Variants in SLC9A4 observed in about 807,000 individuals in gnomAD.
SLC9A4 encodes the protein sodium/hydrogen exchanger 4.
A neutral mutation model predicts 67.4 loss-of-function variants in SLC9A4; 63 were observed. The observed-to-expected ratio is 0.93, with a 90% CI of 0.76 to 1.15. The LOEUF (loss-of-function observed/expected upper bound fraction) is 1.15, where lower values mean the gene tolerates loss of function less well. SLC9A4 is among the 50% of genes most tolerant of loss of function. The pLI is 0.00. For synonymous variants in SLC9A4, 393 were observed against 367.2 expected, an observed-to-expected ratio of 1.07 and a Z score of -0.80; for missense variants, 1,089 against 987.7, an observed-to-expected ratio of 1.10 and a Z score of -1.38.
chr2:102,504,892 G>T (rs1685016192), intron 3 of SLC9A4, among the ~76,000 whole-genome samples: 1 of 152,182 alleles, frequency 6.6e-6, no homozygotes, highest in Non-Finnish European at 1.5e-5. Flanking sequence ...GAATTATTCT[G>T]TTATTTTGGT....
intron 2 of SLC9A4, among the ~76,000 whole-genome samples, chr2:102,486,509 G>A (rs542091422): frequency 2.4e-4 from 36 of 152,310 alleles, no homozygotes; most frequent in African/African-American, 8.2e-4. Context: ...TGAGGGGAGA[G>A]TAGGCATCTT....
At chr2:102,527,372 A>AGGTTT (rs1674687136) in intron 11 of SLC9A4, among the ~76,000 whole-genome samples, 3 of 152,174 alleles carry the variant, frequency 2.0e-5, no homozygotes, top group African/African-American at 4.8e-5. Flanking sequence ...CAAATGTTGT[A>AGGTTT]CCTAGGTTTC....
chr2:102,503,586 A>T lies in SLC9A4; in HGVS notation c.859A>T (p.Ile287Phe). 1 of 1,614,004 alleles carries T rather than the reference A, an allele frequency of 6.2e-7. No individual in the cohort carries two copies. Among genetic ancestry groups the T allele is most frequent in the Non-Finnish European group, 8.5e-7 (1 of 1,179,990 alleles). ...GVLFGIVFGF[I>F]SAFITRFTQN... is the part of the protein sequence containing the mutation. ...ATTGTTTGGCATCGTTTTTGGATTT[A>T]TTTCTGCATTTATCACACGTTTCAC... is the stretch of plus-strand genomic sequence containing the variant. The change falls in exon 3 of 12, where the codon ATT becomes TTT. Residue 287 changes from isoleucine (I) to phenylalanine (F), a missense_variant. Ile to Phe is a conservative substitution (Grantham distance 21). Coordinates refer to ENST00000295269, the MANE Select transcript of SLC9A4 (RefSeq NM_001011552.4).
At chr2:102,529,189 A>G (rs993761268) in intron 11 of SLC9A4, among the ~76,000 whole-genome samples, 1 of 152,246 alleles carries the variant, frequency 6.6e-6, no homozygotes, top group South Asian at 2.1e-4. Flanking sequence ...TCAGTTCTAC[A>G]TGAATTACTT....
At chr2:102,505,211 G>T (rs1558666721) in intron 3 of SLC9A4, 43 bp from the exon 4 acceptor site, 2 of 1,585,714 alleles carry the variant, frequency 1.3e-6, no homozygotes, top group South Asian at 2.3e-5. Context: ...TGTGGAGGGG[G>T]AAAACCTCAT....
intron 4 of SLC9A4, chr2:102,505,732 C>G (rs1685038289): frequency 2.5e-6 from 1 of 405,654 alleles, no homozygotes; most frequent in African/African-American, 2.0e-5. Flanking sequence ...AAAGAAGTTT[C>G]ACATCTACCT....
Position 102,490,655 on chromosome 2 carries a change from C to T in SLC9A4, c.720+11353C>T, listed in dbSNP as rs115072844. Among the ~76,000 whole-genome samples the T allele has an allele frequency of 9.5e-3, 1,440 of 152,230 alleles. 18 individuals carry two copies. Among genetic ancestry groups the T allele is most frequent in the African/African-American group, 0.033 (1,364 of 41,502 alleles). On this transcript the variant is annotated intron_variant, in intron 2 of 11. Transcript: ENST00000295269. ...GCATGATTCAACCCGTAGCTGACCCCTCAGGAACCCAGGAATAATAAGTGC... is the reference window on the plus strand; with the variant it reads ...GCATGATTCAACCCGTAGCTGACCCTTCAGGAACCCAGGAATAATAAGTGC...
intron 1 of SLC9A4, among the ~76,000 whole-genome samples, chr2:102,477,061 G>C (rs1368232563): frequency 6.6e-6 from 1 of 152,180 alleles, no homozygotes; most frequent in African/African-American, 2.4e-5. Flanking sequence ...ATCTATGGAT[G>C]GGTGAATCTA....
intron 2 of SLC9A4, among the ~76,000 whole-genome samples, chr2:102,487,739 C>T (rs1684617073): frequency 6.6e-6 from 1 of 152,314 alleles, no homozygotes; most frequent in South Asian, 2.1e-4. Flanking sequence ...AAAAGCCTCT[C>T]GTTATCAAGT....
intron 7 of SLC9A4, among the ~76,000 whole-genome samples, chr2:102,512,892 A>G (rs1685192968): frequency 6.6e-6 from 1 of 152,160 alleles, no homozygotes; most frequent in Admixed American, 6.5e-5. Context: ...TGGCGCAGGC[A>G]AGGAAAAGAA....
At chr2:102,479,419 G>GCTT in intron 2 of SLC9A4, 117 bp downstream of exon 2, 1 of 1,092,486 alleles carries the variant, frequency 9.2e-7, no homozygotes, top group Non-Finnish European at 1.3e-6. Context: ...ACAGGGATGA[G>GCTT]CTTCAGCCCA....
intron 2 of SLC9A4, among the ~76,000 whole-genome samples, chr2:102,503,217 C>CGTA (rs1414495175): frequency 6.6e-6 from 1 of 152,146 alleles, no homozygotes; most frequent in African/African-American, 2.4e-5. Context: ...GAGACAGGCA[C>CGTA]GTAGTAGGTG....
At position 102,473,416 on chromosome 2, in the gene SLC9A4, G is replaced by A. The variant is rs999611878; in HGVS notation, c.-344G>A. 5 of 269,752 alleles carry A rather than the reference G, an allele frequency of 1.9e-5. No individual in the cohort carries two copies. The highest frequency in any genetic ancestry group is 8.9e-5 in the African/African-American group (4 of 45,150). The allele number at this position is 269,752 out of a possible 1,614,324, so 16.7% of individuals were successfully genotyped here. A position where few individuals can be genotyped will look rare whatever the true frequency, so the allele number is the denominator to read the frequency against. ...AGACAAAGCCAGTATGCAGTGAAATGAGGAAATGCCTTTAAGTGAAGAGAT... is the reference window on the plus strand; with the variant it reads ...AGACAAAGCCAGTATGCAGTGAAATAAGGAAATGCCTTTAAGTGAAGAGAT... On this transcript the variant is annotated 5_prime_UTR_variant, in exon 1 of 12. An upstream start codon of the reference 5' UTR is lost. Coordinates refer to ENST00000295269, the MANE Select transcript of SLC9A4 (RefSeq NM_001011552.4).
intron 2 of SLC9A4, among the ~76,000 whole-genome samples, chr2:102,495,368 A>G (rs983694828): frequency 1.3e-5 from 2 of 152,124 alleles, no homozygotes; most frequent in African/African-American, 4.8e-5. Context: ...GCTGGCAGGA[A>G]TTAGAAGACC....
At chr2:102,484,138 G>A (rs1684535336) in intron 2 of SLC9A4, among the ~76,000 whole-genome samples, 1 of 151,908 alleles carries the variant, frequency 6.6e-6, no homozygotes, top group African/African-American at 2.4e-5. Context: ...ATGACCAAGT[G>A]CCCTTACTTC....
chr2:102,501,159 G>T (rs6741627), intron 2 of SLC9A4, among the ~76,000 whole-genome samples: 106,629 of 150,484 alleles, frequency 0.71, 38,422 homozygotes, highest in Middle Eastern at 0.77. Flanking sequence ...TCTCGCTCTG[G>T]CACCCAGGCT....
rs778373238 is a variant in SLC9A4, at chr2:102,503,487, A to C, written c.760A>C (p.Lys254Gln). 3 of 1,613,278 alleles carry C rather than the reference A, an allele frequency of 1.9e-6. No individual in the cohort carries two copies. In the East Asian group the frequency reaches 6.7e-5, roughly 36 times the overall value. The change falls in exon 3 of 12, where the codon AAA (lysine) becomes CAA (glutamine). Residue 254 changes from lysine to glutamine, a missense_variant. Physicochemically the swap from Lys to Gln is moderately conservative, Grantham distance 53. Coordinates refer to ENST00000295269, the MANE Select transcript of SLC9A4 (RefSeq NM_001011552.4). ...NMLIAFTKMH[K>Q]FEDIETVDIL... Reference sequence around the variant, plus strand: ...GTTAATTGCCTTTACAAAGATGCATAAATTTGAAGACATAGAAACTGTCGA... The same window carrying C: ...GTTAATTGCCTTTACAAAGATGCATCAATTTGAAGACATAGAAACTGTCGA...
At chr2:102,508,393 C>A in intron 5 of SLC9A4, 112 bp downstream of exon 5, 6 of 1,011,608 alleles carry the variant, frequency 5.9e-6, no homozygotes, top group Non-Finnish European at 8.5e-6. Context: ...GTGCTCAATA[C>A]CCAAACTAAA....
intron 2 of SLC9A4, among the ~76,000 whole-genome samples, chr2:102,483,841 T>TATATATATATACACAC (rs370126753): frequency 1.0e-4 from 13 of 126,778 alleles, no homozygotes; most frequent in African/African-American, 1.9e-4. Flanking sequence ...TATATATATA[T>TATATATATATACACAC]ACACACACAC....
Sources: allele counts gnomAD v4.1 joint callset (sites outside exome capture counted in the v4.1 genomes callset), GRCh38; gene constraint gnomAD v4.1.1; transcripts MANE v1.5; gene names NCBI Gene and HGNC (gene_info 2026-07-23, HGNC 2026-07-21).